Variants in PLS1 observed in about 807,000 individuals in gnomAD.
PLS1 encodes plastin-1.
In PLS1, 32 loss-of-function variants were observed where a neutral mutation model predicts 73.7. That is an observed-to-expected ratio of 0.43 (90% CI 0.33 to 0.58). PLS1 has a LOEUF of 0.58. Ranked by LOEUF, PLS1 falls within the 20% of genes least tolerant of loss-of-function variation. The probability of loss-of-function intolerance (pLI) is 0.04; values close to 1 mark genes in which losing one functional copy is unlikely to be tolerated. For missense variants in PLS1, 633 were observed against 740.5 expected (o/e 0.85, Z 1.68); for synonymous variants, 217 against 261.3 (o/e 0.83, Z 1.63).
rs60286789 is a variant in PLS1 at position 142,689,429 on chromosome 3, C to CATAA, written c.982-163_982-160dup. Among the ~76,000 whole-genome samples the CATAA allele has an allele frequency of 0.45, 66,454 of 148,382 alleles. 15,131 individuals carry two copies. The highest frequency in any genetic ancestry group is 0.48 in the Non-Finnish European group (31,986 of 67,160). The stretch of plus-strand genomic sequence containing the variant: ...CAGAGCAAGACTCTGTCTCTAAATA[C>CATAA]ATAAATAAATAAATAAATAAATAAA... On this transcript the variant is annotated intron_variant, in intron 9 of 15. Coordinates refer to ENST00000457734, the MANE Select transcript of PLS1 (RefSeq NM_001145319.2).
intron 1 of PLS1, among the ~76,000 whole-genome samples, chr3:142,651,587 G>C (rs928164304): frequency 3.3e-5 from 5 of 151,848 alleles, no homozygotes; most frequent in African/African-American, 1.2e-4. Context: ...TCAGCCTTTT[G>C]AGTAGCTGGG....
intron 10 of PLS1, among the ~76,000 whole-genome samples, chr3:142,693,351 G>A (rs2038125106): frequency 6.6e-6 from 1 of 152,156 alleles, no homozygotes; most frequent in Admixed American, 6.5e-5. Flanking sequence ...CACTCAATGT[G>A]AAGATGACTG....
At chr3:142,684,724 A>C (rs1352244585) in intron 8 of PLS1, among the ~76,000 whole-genome samples, 1 of 152,172 alleles carries the variant, frequency 6.6e-6, no homozygotes, top group African/African-American at 2.4e-5. Flanking sequence ...CATTTGGACT[A>C]ATAATTATAT....
intron 12 of PLS1, among the ~76,000 whole-genome samples, chr3:142,700,354 G>T (rs928374624): frequency 6.6e-6 from 1 of 151,436 alleles, no homozygotes; most frequent in Non-Finnish European, 1.5e-5. Context: ...ATGGAGTCTC[G>T]CTCTGTTGCC....
intron 2 of PLS1, among the ~76,000 whole-genome samples, chr3:142,665,201 A>G (rs2037453628): frequency 6.6e-6 from 1 of 151,886 alleles, no homozygotes; most frequent in African/African-American, 2.4e-5. Context: ...CACAAACCTA[A>G]TAACGACTAA....
intron 1 of PLS1, among the ~76,000 whole-genome samples, chr3:142,611,808 A>G (rs2036126663): frequency 6.6e-6 from 1 of 152,178 alleles, no homozygotes; most frequent in African/African-American, 2.4e-5. Flanking sequence ...ATTTACTATT[A>G]CATATATTAG....
rs1246351410 is a variant in PLS1, at chr3:142,609,432, C to T, written c.-37+12923C>T. On this transcript the variant is annotated intron_variant, in intron 1 of 15. Transcript: ENST00000457734. ...CAGAGGAAGGGGAACTGGATGATCA[C>T]GTACAGCTCTGAAATGCTTTGGCCT... 4.4e-5 allele frequency among the ~76,000 whole-genome samples: 6 copies of T among 136,998 alleles called. No individual in the cohort carries two copies. The East Asian group carries it at 5.9e-4, about 13-fold the overall frequency. 89.9% of individuals were successfully genotyped at this position (136,998 alleles called of 152,430 possible). A position where few individuals can be genotyped will look rare whatever the true frequency, so the allele number is the denominator to read the frequency against.
chr3:142,689,881 T>C, intron 10 of PLS1, 68 bp downstream of exon 10: 1 of 1,000,932 alleles, frequency 1.0e-6, no homozygotes, highest in Non-Finnish European at 1.5e-6. Context: ...TACTTCACTG[T>C]CAGAGATAGG....
intron 6 of PLS1, among the ~76,000 whole-genome samples, chr3:142,679,705 C>T (rs867113634): frequency 1.6e-4 from 25 of 151,682 alleles, no homozygotes; most frequent in South Asian, 6.2e-4. Flanking sequence ...AGTCAGGTAG[C>T]GTGATGCCTC....
At chr3:142,610,228 A>G (rs772154683) in intron 1 of PLS1, among the ~76,000 whole-genome samples, 29 of 152,166 alleles carry the variant, frequency 1.9e-4, no homozygotes, top group Non-Finnish European at 3.7e-4. Context: ...TTTCATCTCT[A>G]TGGTAAATAT....
Position 142,703,910 on chromosome 3 carries a change from G to A in PLS1, c.1414G>A (p.Ala472Thr), listed in dbSNP as rs962652776. ...NYAVELGKNKAKFSLVGIAGQ... is the reference protein window; with the variant it reads ...NYAVELGKNKTKFSLVGIAGQ... ...TGCAGTGGAACTTGGGAAGAACAAG[G>A]CCAAATTCTCCTTGGTTGGCATTGC... The change falls in exon 13 of 16, where the codon GCC (alanine) becomes ACC (threonine). Residue 472 changes from alanine (A) to threonine (T), a missense_variant. Physicochemically the swap from Ala to Thr is moderately conservative, Grantham distance 58. Transcript: ENST00000457734. 1 of 1,612,260 alleles carries A rather than the reference G, an allele frequency of 6.2e-7. No homozygotes were observed. The highest frequency in any genetic ancestry group is 8.5e-7 in the Non-Finnish European group (1 of 1,178,322).
intron 1 of PLS1, among the ~76,000 whole-genome samples, chr3:142,657,671 G>T (rs893561024): frequency 1.3e-5 from 2 of 152,002 alleles, no homozygotes; most frequent in African/African-American, 4.8e-5. Context: ...TGTATTTTTA[G>T]TAGAGACGGG....
chr3:142,638,335 C>A lies in PLS1; in HGVS notation c.-36-25867C>A, dbSNP rs76144979. 4.1e-3 allele frequency among the ~76,000 whole-genome samples: 618 copies of A among 152,242 alleles called. 12 individuals carry two copies. The highest frequency in any genetic ancestry group is 0.014 in the African/African-American group (599 of 41,540). ...CCAGCATGGCATCCTGGATCTGCCACGTTTCAAAGCTCAGTTGAAGGCAAG... is the reference window on the plus strand; with the variant it reads ...CCAGCATGGCATCCTGGATCTGCCAAGTTTCAAAGCTCAGTTGAAGGCAAG... On this transcript the variant is annotated intron_variant, in intron 1 of 15. Coordinates refer to ENST00000457734, the MANE Select transcript of PLS1 (RefSeq NM_001145319.2).
intron 12 of PLS1, among the ~76,000 whole-genome samples, chr3:142,702,471 G>C (rs1432765935): frequency 6.6e-6 from 1 of 152,058 alleles, no homozygotes; most frequent in East Asian, 1.9e-4. Context: ...GTGTACCTTA[G>C]GTTAGACTGT....
intron 10 of PLS1, among the ~76,000 whole-genome samples, chr3:142,693,039 C>A (rs552364780): frequency 2.5e-4 from 38 of 152,096 alleles, no homozygotes; most frequent in African/African-American, 9.2e-4. Context: ...CTTGGTTATT[C>A]TTAAAAAAAG....
chr3:142,602,558 A>G (rs2035945667), intron 1 of PLS1, among the ~76,000 whole-genome samples: 1 of 152,002 alleles, frequency 6.6e-6, no homozygotes, highest in African/African-American at 2.4e-5. Flanking sequence ...GGGTGTGGAT[A>G]CCTCAGGAAA....
intron 1 of PLS1, chr3:142,657,040 C>A (rs1321174707): frequency 6.6e-6 from 1 of 152,256 alleles, no homozygotes; most frequent in Non-Finnish European, 1.5e-5. Context: ...TTCTCAGGCA[C>A]CTGGAATCTG....
Position 142,684,832 on chromosome 3 carries a change from G to GA in PLS1, c.888+438dup, listed in dbSNP as rs553882482. On this transcript the variant is annotated intron_variant, in intron 8 of 15. Transcript: ENST00000457734. ...GTACAGAGAATCAGTAAATAAAGGG[G>GA]ATCTTAAGGTATGTGCCTTAACCAG... 1.5e-4 allele frequency among the ~76,000 whole-genome samples: 23 copies of GA among 152,234 alleles called. No individual in the cohort carries two copies. In the East Asian group the frequency reaches 4.3e-3, roughly 28 times the overall value.
rs1219237048 is a variant in PLS1, at chr3:142,684,302, G to C, written c.795G>C (p.Lys265Asn). 9 of 1,613,964 alleles carry C rather than the reference G, an allele frequency of 5.6e-6. No homozygotes were observed. Among genetic ancestry groups the C allele is most frequent in the Admixed American group, 5.0e-5 (3 of 60,004 alleles). The change falls in exon 8 of 16, where the codon AAG (lysine) becomes AAC (asparagine). Residue 265 changes from lysine (K) to asparagine (N), a missense_variant. Coordinates refer to ENST00000457734, the MANE Select transcript of PLS1 (RefSeq NM_001145319.2). The part of the protein sequence containing the change: ...NEGEELEELM[K>N]LSPEELLLRW... ...GTGAGGAACTAGAGGAGCTGATGAA[G>C]CTTTCTCCCGAGGAATTACTGCTGC...
Sources: gnomAD v4.1 joint callset for allele counts (sites outside exome capture counted in the v4.1 genomes callset) on GRCh38, gnomAD v4.1.1 for gene constraint, MANE v1.5 for transcripts, NCBI Gene and HGNC (gene_info 2026-07-23, HGNC 2026-07-21) for gene names.